The following ATP2B3 variants were observed in gnomAD, a reference collection of about 807,000 sequenced individuals.
ATP2B3 encodes plasma membrane calcium-transporting ATPase 3.
Under a neutral mutation model 70.8 loss-of-function variants are expected in ATP2B3, and 12 were observed. The ratio of observed to expected loss-of-function variants is 0.17; its 90% CI spans 0.11 to 0.27. ATP2B3 has a LOEUF of 0.27. Ranked by LOEUF, ATP2B3 falls within the 10% of genes least tolerant of loss-of-function variation. The probability of loss-of-function intolerance (pLI) is 1.00; values close to 1 mark genes in which losing one functional copy is unlikely to be tolerated. For missense variants in ATP2B3, 858 were observed against 1,118.5 expected, an observed-to-expected ratio of 0.77 and a Z score of 3.32; for synonymous variants, 460 against 497.8, an observed-to-expected ratio of 0.92 and a Z score of 1.01.
chrX:153,559,585 T>C (rs1347904205), intron 17 of ATP2B3, 144 bp from the exon 18 acceptor site: 2 of 504,409 alleles, frequency 4.0e-6, no homozygotes, highest in African/African-American at 2.4e-5. Flanking sequence ...GTAAAGGCGA[T>C]GTAGGGATGG....
intron 7 of ATP2B3, 117 bp downstream of exon 7, chrX:153,543,285 G>T: frequency 1.0e-6 from 1 of 981,982 alleles, no homozygotes. Flanking sequence ...CAAGTGGGTG[G>T]GAGGCCGGGC....
At position 153,562,115 on chromosome X, in the gene ATP2B3, C is replaced by T. The variant is rs1426191865; in HGVS notation, c.3052-20C>T. 3 of 1,202,505 alleles carry T rather than the reference C, an allele frequency of 2.5e-6. No individual in the cohort carries two copies. The highest frequency in any genetic ancestry group is 3.4e-6 in the Non-Finnish European group (3 of 886,732). On this transcript the variant is annotated intron_variant, in intron 19 of 21. Transcript: ENST00000263519. ...AGGAGCCGCGGCTGGACCTGCCTCT[C>T]TCCCACTTGCCCTTCGCAGATTGTC...
intron 7 of ATP2B3, among the ~76,000 whole-genome samples, chrX:153,544,920 G>A (rs1557008133): frequency 8.9e-6 from 1 of 112,632 alleles, no homozygotes; most frequent in Middle Eastern, 4.7e-3. Flanking sequence ...TGCTTCCTTC[G>A]GGCCCCCACG....
intron 8 of ATP2B3, 74 bp from the exon 9 acceptor site, chrX:153,547,761 C>T (rs1557009288): frequency 9.2e-7 from 1 of 1,084,235 alleles, no homozygotes; most frequent in Non-Finnish European, 1.2e-6. Flanking sequence ...ATGTCTTTCC[C>T]CCACAAAAGC....
chrX:153,544,873 C>A (rs1426378216), intron 7 of ATP2B3, among the ~76,000 whole-genome samples: 1 of 112,743 alleles, frequency 8.9e-6, no homozygotes, highest in African/African-American at 3.2e-5. Context: ...CTCCAGAGGC[C>A]TCCCAGGGCC....
intron 3 of ATP2B3, among the ~76,000 whole-genome samples, chrX:153,538,608 C>T (rs781933580): frequency 5.3e-5 from 6 of 113,076 alleles, no homozygotes; most frequent in Admixed American, 3.7e-4. Flanking sequence ...GGAGCCGACA[C>T]GAGATGCTCC....
At chrX:153,562,786 T>TA (rs2090643755) in intron 20 of ATP2B3, among the ~76,000 whole-genome samples, 1 of 112,321 alleles carries the variant, frequency 8.9e-6, no homozygotes, top group Non-Finnish European at 1.9e-5. Context: ...CCGACTGCCA[T>TA]AGCAAAATAC....
intron 3 of ATP2B3, among the ~76,000 whole-genome samples, chrX:153,537,273 C>T (rs1020373964): frequency 3.5e-5 from 4 of 113,404 alleles, no homozygotes; most frequent in East Asian, 2.8e-4. Flanking sequence ...CATTCTCTGG[C>T]GCTGCGTGCC....
chrX:153,539,725 G>A (rs2090251499), intron 3 of ATP2B3, among the ~76,000 whole-genome samples: 1 of 113,167 alleles, frequency 8.8e-6, no homozygotes, highest in East Asian at 2.8e-4. Context: ...GTGAGCGCCC[G>A]GGAGGGCTCC....
intron 1 of ATP2B3, among the ~76,000 whole-genome samples, 161 bp from the exon 2 acceptor site, chrX:153,518,270 CT>C (rs2089906189): frequency 8.9e-6 from 1 of 112,662 alleles, no homozygotes; most frequent in Non-Finnish European, 1.9e-5. Context: ...CGGGCACCCC[CT>C]CCCCCCCGCG....
chrX:153,540,122 C>T (rs782642739), intron 3 of ATP2B3, among the ~76,000 whole-genome samples: 6 of 112,323 alleles, frequency 5.3e-5, no homozygotes, highest in African/African-American at 1.9e-4. Flanking sequence ...CGGGTCCTGT[C>T]GGGCAGCGTA....
chrX:153,543,254 G>A (rs782548413), intron 7 of ATP2B3, 86 bp downstream of exon 7: 1 of 1,104,416 alleles, frequency 9.1e-7, no homozygotes, highest in Non-Finnish European at 1.2e-6. Flanking sequence ...GGTGCCACTG[G>A]GGGCTCAGGG....
intron 10 of ATP2B3, 138 bp downstream of exon 10, chrX:153,548,992 C>T: frequency 3.3e-6 from 2 of 603,783 alleles, no homozygotes; most frequent in Non-Finnish European, 5.1e-6. Context: ...GAGCAGGGAC[C>T]CAGGGGGCAG....
chrX:153,530,128 C>G (rs1415761294), intron 2 of ATP2B3, among the ~76,000 whole-genome samples: 1 of 112,747 alleles, frequency 8.9e-6, no homozygotes, highest in East Asian at 2.8e-4. Flanking sequence ...TCCACAGTGG[C>G]TGCACCGTCT....
At chrX:153,523,230 C>T (rs1227178108) in intron 2 of ATP2B3, among the ~76,000 whole-genome samples, 1 of 112,336 alleles carries the variant, frequency 8.9e-6, no homozygotes, top group Admixed American at 9.4e-5. Flanking sequence ...TGATCTTGAA[C>T]CATGCAAAGA....
chrX:153,546,081 A>G lies in ATP2B3; in HGVS notation c.917-7A>G. On this transcript the variant is annotated splice_polypyrimidine_tract_variant and splice_region_variant and intron_variant, in intron 7 of 21. Coordinates refer to ENST00000263519, the MANE Select transcript of ATP2B3 (RefSeq NM_001001344.3). Reference sequence around the variant, plus strand: ...CCTTCGTGTCTGTCATCCCTCTTCCATTGTAGGCAAGCAGCAGGATGGGGC... The same window carrying G: ...CCTTCGTGTCTGTCATCCCTCTTCCGTTGTAGGCAAGCAGCAGGATGGGGC... The G allele has an allele frequency of 1.7e-6, 2 of 1,210,896 alleles. No individual in the cohort carries two copies. The highest frequency in any genetic ancestry group is 3.5e-5 in the South Asian group (2 of 56,966).
intron 2 of ATP2B3, among the ~76,000 whole-genome samples, chrX:153,524,598 C>G (rs1556999059): frequency 8.9e-6 from 1 of 111,836 alleles, no homozygotes; most frequent in Non-Finnish European, 1.9e-5. Flanking sequence ...TTGCAGATTG[C>G]TAACCAGTTG....
At position 153,574,862 on chromosome X, in the gene ATP2B3, C is replaced by T. The variant is rs782818521; in HGVS notation, c.3343-5116C>T. 5.8e-4 allele frequency: 190 copies of T among 329,253 alleles called. 2 individuals carry two copies. The highest frequency in any genetic ancestry group is 9.4e-4 in the Non-Finnish European group (160 of 169,682). 27.1% of individuals were successfully genotyped at this position (329,253 alleles called of 1,213,427 possible). On this transcript the variant is annotated intron_variant, in intron 21 of 21. Transcript: ENST00000263519. Reference sequence around the variant, plus strand: ...TGGCACTCCACACCTGCACCCCTTCCGCTTTGGCTCAGTGTGGCCAGGGAT... The same window carrying T: ...TGGCACTCCACACCTGCACCCCTTCTGCTTTGGCTCAGTGTGGCCAGGGAT...
At chrX:153,558,930 AC>A (rs1392786496) in intron 17 of ATP2B3, among the ~76,000 whole-genome samples, 4 of 111,464 alleles carry the variant, frequency 3.6e-5, no homozygotes, top group Non-Finnish European at 7.5e-5. Context: ...CCCTTTCTCA[AC>A]AGTCCCATTT....
Sources: gnomAD v4.1 joint callset for allele counts (sites outside exome capture counted in the v4.1 genomes callset) on GRCh38, gnomAD v4.1.1 for gene constraint, MANE v1.5 for transcripts, NCBI Gene and HGNC (gene_info 2026-07-23, HGNC 2026-07-21) for gene names.